The following XDH variants were observed in gnomAD, a reference collection of about 807,000 sequenced individuals.
The protein encoded by XDH is xanthine dehydrogenase/oxidase.
In XDH, 138 loss-of-function variants were observed where a neutral mutation model predicts 156.1. The observed-to-expected ratio is 0.88, with a 90% CI of 0.77 to 1.02. XDH has a LOEUF of 1.02. XDH is among the 50% of genes least tolerant of loss of function. The pLI is 0.00. For missense variants in XDH, 1,849 were observed against 1,684.9 expected (o/e 1.10, Z -1.71); for synonymous variants, 669 against 625.7 (o/e 1.07, Z -1.03).
chr2:31,365,855 TGA>T, intron 22 of XDH, 119 bp downstream of exon 22: 4 of 1,519,786 alleles, frequency 2.6e-6, no homozygotes, highest in Non-Finnish European at 3.6e-6. Flanking sequence ...CAGAGGGCTG[TGA>T]GAATTCAAAG....
At chr2:31,388,048 G>C (rs986142609) in intron 7 of XDH, 151 bp from the exon 8 acceptor site, 11 of 1,108,506 alleles carry the variant, frequency 9.9e-6, no homozygotes, top group East Asian at 2.6e-5. Context: ...AGGAATGAGA[G>C]AGTCTCAGTT....
At chr2:31,352,303 T>C (rs1034645402) in intron 24 of XDH, among the ~76,000 whole-genome samples, 4 of 152,200 alleles carry the variant, frequency 2.6e-5, no homozygotes, top group African/African-American at 7.2e-5. Flanking sequence ...CTTCTTTAAG[T>C]TGTAATATCT....
In XDH at chr2:31,398,694, T is replaced by G. The variant is rs1181485595; in HGVS notation, c.312A>C (p.Arg104Ser). ...TKTRLHPVQE[R>S]IAKSHGSQCG... ...ACTGGGAGCCGTGGCTTTTGGCAATTCTCTCCTAAAAGATACAGATGACAT... is the reference window on the plus strand; with the variant it reads ...ACTGGGAGCCGTGGCTTTTGGCAATGCTCTCCTAAAAGATACAGATGACAT... Residue 104 changes from arginine (R) to serine (S), a missense_variant, in exon 5 of 36, where the codon AGA (arginine) becomes AGC (serine). Coordinates refer to ENST00000379416, the MANE Select transcript of XDH (RefSeq NM_000379.4). The G allele has an allele frequency of 6.2e-7, 1 of 1,613,792 alleles. No individual in the cohort carries two copies. The highest frequency in any genetic ancestry group is 8.5e-7 in the Non-Finnish European group (1 of 1,179,906).
chr2:31,374,257 G>A (rs187954373), intron 15 of XDH, among the ~76,000 whole-genome samples: 2 of 152,166 alleles, frequency 1.3e-5, no homozygotes, highest in African/African-American at 2.4e-5. Flanking sequence ...TGCTGTCTCT[G>A]TTGGGAGTAT....
chr2:31,412,165 A>G (rs1687359089), intron 1 of XDH, among the ~76,000 whole-genome samples: 1 of 152,238 alleles, frequency 6.6e-6, no homozygotes, highest in African/African-American at 2.4e-5. Context: ...GGCTGTCATT[A>G]CAATAAAAAT....
chr2:31,345,482 A>G (rs7595188), intron 30 of XDH, among the ~76,000 whole-genome samples: 2,464 of 152,322 alleles, frequency 0.016, 86 homozygotes, highest in East Asian at 0.15. Flanking sequence ...GATATAATTT[A>G]TGCCTTCTTC....
Position 31,375,917 on chromosome 2 carries a change from G to A in XDH, c.1428-363C>T, listed in dbSNP as rs181796049. On this transcript the variant is annotated intron_variant, in intron 14 of 35. Transcript: ENST00000379416. ...TACCAATGAGAAAACTGAGGCACAC[G>A]GAGATTAAGTAACTTGACTTATGTT... 2.5e-3 allele frequency among the ~76,000 whole-genome samples: 380 copies of A among 152,228 alleles called. 1 individual carries two copies. Among genetic ancestry groups the A allele is most frequent in the African/African-American group, 8.5e-3 (354 of 41,528 alleles).
intron 33 of XDH, among the ~76,000 whole-genome samples, chr2:31,340,966 T>C (rs1685108502): frequency 1.3e-5 from 2 of 152,206 alleles, no homozygotes; most frequent in African/African-American, 2.4e-5. Context: ...AAAACTCTTC[T>C]GACCTCAGAC....
intron 30 of XDH, among the ~76,000 whole-genome samples, chr2:31,345,715 TTG>T (rs2148753098): frequency 6.6e-6 from 1 of 152,100 alleles, no homozygotes; most frequent in South Asian, 2.1e-4. Flanking sequence ...TTGTGTGCGT[TTG>T]TGTGTGCGTG....
chr2:31,398,304 C>A (rs1040944243), intron 5 of XDH, among the ~76,000 whole-genome samples: 5 of 152,184 alleles, frequency 3.3e-5, no homozygotes, highest in African/African-American at 1.2e-4. Flanking sequence ...CACTGCCAAC[C>A]CCACTCCAAT....
In XDH at chr2:31,342,171, C is replaced by A; in HGVS notation, c.3519+12G>T. 1 of 1,612,372 alleles carries A rather than the reference C, an allele frequency of 6.2e-7. No individual in the cohort carries two copies. The highest frequency in any genetic ancestry group is 1.1e-5 in the South Asian group (1 of 91,056). ...TTTCCCACTAAGTACTAAAGTTTTG[C>A]AAACTTCTTACCTTATGATCTCCTG... On this transcript the variant is annotated intron_variant, in intron 32 of 35. Transcript: ENST00000379416.
intron 16 of XDH, 75 bp from the exon 17 acceptor site, chr2:31,372,472 G>A: frequency 1.1e-5 from 17 of 1,599,516 alleles, no homozygotes; most frequent in Non-Finnish European, 1.5e-5. Context: ...GGACACTGGT[G>A]AGCTTCATGC....
Position 31,383,139 on chromosome 2 carries a change from T to A in XDH, c.900A>T (p.Gly300=), listed in dbSNP as rs755328526. 1 of 1,614,068 alleles carries A rather than the reference T, an allele frequency of 6.2e-7. No homozygotes were observed. Among genetic ancestry groups the A allele is most frequent in the Non-Finnish European group, 8.5e-7 (1 of 1,180,020 alleles). The stretch of plus-strand genomic sequence containing the variant: ...CCACAATGCTCAGGGGGCAAGCAGC[T>A]CCAAAGGAGATACCTGGGAACGCAC... ...VEHGPDGISF[G]AACPLSIVEK... The change falls in exon 11 of 36, where the codon GGA becomes GGT. Residue 300 remains glycine (G), a synonymous_variant. Coordinates refer to ENST00000379416, the MANE Select transcript of XDH (RefSeq NM_000379.4).
chr2:31,375,323 C>T (rs2148774717), intron 15 of XDH, 57 bp downstream of exon 15: 6 of 1,612,424 alleles, frequency 3.7e-6, no homozygotes, highest in East Asian at 4.5e-5. Flanking sequence ...CCCAGACCAA[C>T]TTCTTATATC....
chr2:31,396,943 C>T (rs937027135), intron 6 of XDH, among the ~76,000 whole-genome samples: 1 of 152,178 alleles, frequency 6.6e-6, no homozygotes, highest in Admixed American at 6.5e-5. Context: ...GTGGAAAGCA[C>T]AGGAGTCTGT....
chr2:31,339,588 A>G lies in XDH; in HGVS notation c.3675T>C (p.Pro1225=). The change falls in exon 34 of 36, where the codon CCT becomes CCC. Residue 1225 remains proline, a synonymous_variant. Transcript: ENST00000379416. ...CAAATGCCGGGATCTTGTAGGTGCT[A>G]GGGCCACGGGTGTGCAGGCTCCCCT... The part of the protein sequence containing the change: ...SPEGSLHTRG[P]STYKIPAFGS... 1 of 1,614,186 alleles carries G rather than the reference A, an allele frequency of 6.2e-7. No individual in the cohort carries two copies. The highest frequency in any genetic ancestry group is 8.5e-7 in the Non-Finnish European group (1 of 1,180,010).
chr2:31,366,553 C>T (rs902887518), intron 21 of XDH, among the ~76,000 whole-genome samples: 3 of 152,156 alleles, frequency 2.0e-5, no homozygotes, highest in South Asian at 2.1e-4. Context: ...ATGACTTGAC[C>T]GAGGCCATAG....
At chr2:31,349,591 T>C in intron 26 of XDH, 95 bp downstream of exon 26, 10 of 1,529,588 alleles carry the variant, frequency 6.5e-6, no homozygotes, top group Non-Finnish European at 8.0e-6. Context: ...TCATAAGTTA[T>C]CCATTGAATT....
chr2:31,406,077 T>G, intron 1 of XDH, 113 bp from the exon 2 acceptor site: 1 of 1,215,300 alleles, frequency 8.2e-7, no homozygotes, highest in South Asian at 1.3e-5. Flanking sequence ...GTAGGAAGTG[T>G]GATATAGTTT....
Sources: gnomAD v4.1 joint callset for allele counts (sites outside exome capture counted in the v4.1 genomes callset) on GRCh38, gnomAD v4.1.1 for gene constraint, MANE v1.5 for transcripts, NCBI Gene and HGNC (gene_info 2026-07-23, HGNC 2026-07-21) for gene names.